ADAMTS3: variants seen among roughly 807,000 people sequenced by gnomAD.
ADAMTS3 encodes the protein ADAM metallopeptidase with thrombospondin type 1 motif 3, also known as A disintegrin and metalloproteinase with thrombospondin motifs 3.
ADAMTS3 carries 73 observed loss-of-function variants against 129.0 expected under a neutral mutation model. The observed-to-expected ratio is 0.57, with a 90% confidence interval of 0.47 to 0.69. ADAMTS3 has a LOEUF of 0.69. Among genes scored for constraint, ADAMTS3 ranks in the 30% least tolerant of loss-of-function variants. The probability of loss-of-function intolerance (pLI) is 0.00; values close to 1 mark genes in which losing one functional copy is unlikely to be tolerated. For synonymous variants in ADAMTS3, 477 were observed against 510.8 expected (o/e 0.93, Z 0.89); for missense variants, 1,457 against 1,514.5 (o/e 0.96, Z 0.63).
chr4:72,509,531 T>C (rs1432575970), intron 3 of ADAMTS3, among the ~76,000 whole-genome samples: 1 of 151,868 alleles, frequency 6.6e-6, no homozygotes, highest in Non-Finnish European at 1.5e-5. Flanking sequence ...ATGGGCAAAT[T>C]CCTAGATACA....
intron 4 of ADAMTS3, among the ~76,000 whole-genome samples, chr4:72,350,327 T>C (rs1037325768): frequency 2.6e-5 from 4 of 152,214 alleles, no homozygotes; most frequent in African/African-American, 7.2e-5. Context: ...ATCTTCTATG[T>C]TTTCTAAGAT....
At chr4:72,419,309 T>G (rs1369100673) in intron 3 of ADAMTS3, among the ~76,000 whole-genome samples, 1 of 152,182 alleles carries the variant, frequency 6.6e-6, no homozygotes, top group Non-Finnish European at 1.5e-5. Flanking sequence ...AGCCTTAAGC[T>G]CCATCAAAAT....
intron 14 of ADAMTS3, 71 bp from the exon 15 acceptor site, chr4:72,309,591 T>C (rs1719177400): frequency 6.4e-6 from 10 of 1,558,478 alleles, no homozygotes; most frequent in South Asian, 4.7e-5. Flanking sequence ...CAGAGAATGA[T>C]GAACCCTTTG....
At position 72,475,532 on chromosome 4, in the gene ADAMTS3, A is replaced by G. The variant is rs1049489437; in HGVS notation, c.505-60561T>C. The stretch of plus-strand genomic sequence containing the variant: ...ATGATACAAAAACTGATAAAATTGA[A>G]AGAAGAAACAAACAAATCCACAATT... On this transcript the variant is annotated intron_variant, in intron 3 of 21. Coordinates refer to ENST00000286657, the MANE Select transcript of ADAMTS3 (RefSeq NM_014243.3). Among the ~76,000 whole-genome samples, 50 of 152,154 alleles carry G rather than the reference A, an allele frequency of 3.3e-4. 1 individual carries two copies. Among genetic ancestry groups the G allele is most frequent in the Middle Eastern group, 3.4e-3 (1 of 294 alleles).
chr4:72,399,247 T>G (rs1327029500), intron 4 of ADAMTS3, among the ~76,000 whole-genome samples: 2 of 151,910 alleles, frequency 1.3e-5, no homozygotes, highest in African/African-American at 2.4e-5. Flanking sequence ...CTGGGCAACA[T>G]AGTGAGACCT....
chr4:72,331,191 G>A (rs1327409256), intron 5 of ADAMTS3, among the ~76,000 whole-genome samples: 3 of 152,122 alleles, frequency 2.0e-5, no homozygotes, highest in Non-Finnish European at 4.4e-5. Context: ...GTGGGGACTC[G>A]CTTCTAGAGT....
intron 3 of ADAMTS3, among the ~76,000 whole-genome samples, chr4:72,501,990 G>C (rs1012913922): frequency 1.2e-4 from 18 of 152,100 alleles, no homozygotes; most frequent in African/African-American, 4.1e-4. Flanking sequence ...TTCACTTTTT[G>C]ATGTGCTGCT....
chr4:72,315,709 C>T (rs1719375834), intron 11 of ADAMTS3, 149 bp downstream of exon 11: 4 of 525,618 alleles, frequency 7.6e-6, no homozygotes, highest in Non-Finnish European at 1.3e-5. Context: ...AACTAGTACA[C>T]TATTTTAGTA....
At chr4:72,463,852 G>A (rs535550541) in intron 3 of ADAMTS3, among the ~76,000 whole-genome samples, 13 of 151,914 alleles carry the variant, frequency 8.6e-5, no homozygotes, top group Admixed American at 1.3e-4. Context: ...CCAAAGAGAA[G>A]CCTCACTGAA....
intron 3 of ADAMTS3, among the ~76,000 whole-genome samples, chr4:72,498,519 G>C (rs982394848): frequency 1.3e-5 from 2 of 151,980 alleles, no homozygotes; most frequent in Non-Finnish European, 2.9e-5. Flanking sequence ...ACTACAGTTT[G>C]GGCATACCTA....
intron 4 of ADAMTS3, among the ~76,000 whole-genome samples, chr4:72,389,909 TCTAATGATAAGGAGAGAGAG>T (rs1366287271): frequency 2.2e-4 from 17 of 76,948 alleles, no homozygotes; most frequent in Middle Eastern, 0.012. Flanking sequence ...CTTATATTTT[TCTAATGATAAGGAGAGAGAG>T]AAGGAAAAGA....
rs530243549 is a variant in ADAMTS3, at chr4:72,321,600, G to GT, written c.946-731dup. Among the ~76,000 whole-genome samples the GT allele has an allele frequency of 1.5e-3, 228 of 152,178 alleles. 1 individual carries two copies. The highest frequency in any genetic ancestry group is 5.3e-3 in the African/African-American group (220 of 41,536). ...AAAACATTGAGAAAGATTCTGGCAT[G>GT]TTTTTCCAGAGATGTGAAGGTATAA... On this transcript the variant is annotated intron_variant, in intron 6 of 21. Coordinates refer to ENST00000286657, the MANE Select transcript of ADAMTS3 (RefSeq NM_014243.3).
chr4:72,307,947 G>C (rs755184996), intron 15 of ADAMTS3, among the ~76,000 whole-genome samples: 2 of 151,874 alleles, frequency 1.3e-5, no homozygotes, highest in Non-Finnish European at 2.9e-5. Context: ...AGTTTAGCAT[G>C]ATGTTTGAAC....
rs139322812 is a variant in ADAMTS3, at chr4:72,296,073, CTG to C, written c.2591-289_2591-288del. Among the ~76,000 whole-genome samples, 1,403 of 152,132 alleles carry C rather than the reference CTG, an allele frequency of 9.2e-3. 29 individuals carry two copies. Among genetic ancestry groups the C allele is most frequent in the African/African-American group, 0.032 (1,326 of 41,530 alleles). ...GCATGAGAGGTAGATACGAAAACCA[CTG>C]TGACAATACTTAGTGACATAGGCTT... On this transcript the variant is annotated intron_variant, in intron 18 of 21. Transcript: ENST00000286657.
intron 3 of ADAMTS3, among the ~76,000 whole-genome samples, chr4:72,481,837 A>G (rs528178400): frequency 5.9e-5 from 9 of 152,266 alleles, no homozygotes; most frequent in Admixed American, 3.9e-4. Flanking sequence ...AAAAAATTCA[A>G]TTAGAAAATG....
Position 72,567,355 on chromosome 4 carries a change from A to T in ADAMTS3, c.97+19T>A. On this transcript the variant is annotated intron_variant, in intron 2 of 21. Coordinates refer to ENST00000286657, the MANE Select transcript of ADAMTS3 (RefSeq NM_014243.3). Reference sequence around the variant, plus strand: ...ACTTTCAACTTAAGATAAGAGTGACATCTGAGAACAAAGCTTACCTATTTG... The same window carrying T: ...ACTTTCAACTTAAGATAAGAGTGACTTCTGAGAACAAAGCTTACCTATTTG... The T allele has an allele frequency of 6.2e-7, 1 of 1,612,690 alleles. No homozygotes were observed.
intron 18 of ADAMTS3, among the ~76,000 whole-genome samples, chr4:72,296,415 G>A (rs1718809883): frequency 1.3e-5 from 2 of 151,992 alleles, no homozygotes. Context: ...GAAGGTTATA[G>A]GGAGTTACTG....
intron 19 of ADAMTS3, among the ~76,000 whole-genome samples, chr4:72,293,512 G>A (rs1332842577): frequency 2.0e-5 from 3 of 152,070 alleles, no homozygotes; most frequent in Admixed American, 6.6e-5. Flanking sequence ...TTCCAGAACA[G>A]CCTTTAAACT....
chr4:72,553,880 A>G (rs1419408658), intron 2 of ADAMTS3, among the ~76,000 whole-genome samples: 4 of 152,056 alleles, frequency 2.6e-5, no homozygotes, highest in Admixed American at 6.6e-5. Flanking sequence ...TGTAAAAGAT[A>G]TTTTCTTTTT....
Sources: gnomAD v4.1 joint callset for allele counts (sites outside exome capture counted in the v4.1 genomes callset) on GRCh38, gnomAD v4.1.1 for gene constraint, MANE v1.5 for transcripts, NCBI Gene and HGNC (gene_info 2026-07-23, HGNC 2026-07-21) for gene names.